Variants in CCDC175 observed in about 807,000 individuals in gnomAD.
The protein encoded by CCDC175 is coiled-coil domain containing 175.
A neutral mutation model predicts 114.6 loss-of-function variants in CCDC175; 100 were observed. The observed-to-expected ratio is 0.87, with a 90% CI of 0.74 to 1.03. CCDC175 has a LOEUF of 1.03. Ranked by LOEUF, CCDC175 falls within the 50% of genes least tolerant of loss-of-function variation. The probability of loss-of-function intolerance (pLI) is 0.00; values close to 1 mark genes in which losing one functional copy is unlikely to be tolerated. For missense variants in CCDC175, 880 were observed against 917.8 expected (o/e 0.96, Z 0.53); for synonymous variants, 306 against 308.7 (o/e 0.99, Z 0.09).
intron 10 of CCDC175, 87 bp from the exon 11 acceptor site, chr14:59,540,833 T>A: frequency 1.8e-6 from 2 of 1,122,314 alleles, no homozygotes; most frequent in Non-Finnish European, 2.5e-6. Context: ...GTATGCTCAG[T>A]AAGGCTATAG....
intron 7 of CCDC175, among the ~76,000 whole-genome samples, chr14:59,554,387 G>C (rs1895734001): frequency 6.6e-6 from 1 of 152,130 alleles, no homozygotes; most frequent in African/African-American, 2.4e-5. Flanking sequence ...ATGAAATGAA[G>C]GCAGAAATAA....
At chr14:59,528,430 T>C (rs1893873144) in intron 14 of CCDC175, among the ~76,000 whole-genome samples, 1 of 152,150 alleles carries the variant, frequency 6.6e-6, no homozygotes, top group African/African-American at 2.4e-5. Flanking sequence ...TTGATAATTT[T>C]ATTAGTTCTT....
intron 7 of CCDC175, among the ~76,000 whole-genome samples, chr14:59,551,849 G>A (rs763153700): frequency 1.1e-4 from 16 of 152,226 alleles, no homozygotes; most frequent in Admixed American, 2.6e-4. Flanking sequence ...AGGATCCCAC[G>A]CCCATGGAGC....
chr14:59,521,530 C>T (rs1377051630), intron 17 of CCDC175, 44 bp downstream of exon 17: 3 of 1,090,270 alleles, frequency 2.8e-6, no homozygotes, highest in African/African-American at 1.6e-5. Flanking sequence ...AGTTCTGTCC[C>T]GCTAAAGAAC....
intron 14 of CCDC175, among the ~76,000 whole-genome samples, chr14:59,528,934 T>C (rs1337364243): frequency 6.6e-6 from 1 of 152,250 alleles, no homozygotes; most frequent in East Asian, 1.9e-4. Flanking sequence ...TCTAAGAATA[T>C]ACTCTTTAAA....
intron 8 of CCDC175, among the ~76,000 whole-genome samples, chr14:59,549,251 G>A (rs769481396): frequency 2.6e-5 from 4 of 152,180 alleles, no homozygotes; most frequent in African/African-American, 4.8e-5. Context: ...GGTGGCTCAC[G>A]CCTGTAATCC....
chr14:59,540,099 C>T (rs527881479), intron 11 of CCDC175, among the ~76,000 whole-genome samples: 1 of 152,222 alleles, frequency 6.6e-6, no homozygotes, highest in Non-Finnish European at 1.5e-5. Context: ...CTAACAATAA[C>T]AACAACGATA....
chr14:59,552,322 T>G (rs182195215), intron 7 of CCDC175, among the ~76,000 whole-genome samples: 2 of 152,380 alleles, frequency 1.3e-5, no homozygotes, highest in African/African-American at 4.8e-5. Flanking sequence ...ATATTCACTG[T>G]TCTGCAGCCT....
At chr14:59,511,841 A>G (rs1431357972) in intron 17 of CCDC175, 38 bp from the exon 18 acceptor site, 5 of 1,332,352 alleles carry the variant, frequency 3.8e-6, no homozygotes, top group Non-Finnish European at 5.1e-6. Context: ...GGTTACTGAC[A>G]CAATCTGAAC....
At chr14:59,515,817 C>A (rs1403619664) in intron 17 of CCDC175, among the ~76,000 whole-genome samples, 1 of 152,166 alleles carries the variant, frequency 6.6e-6, no homozygotes, top group Non-Finnish European at 1.5e-5. Context: ...CCAAGCAGAC[C>A]TAACAGACAT....
At position 59,572,736 on chromosome 14, in the gene CCDC175, T is replaced by C; in HGVS notation, c.321A>G (p.Glu107=). The C allele has an allele frequency of 6.6e-7, 1 of 1,515,838 alleles. No individual in the cohort carries two copies. 93.9% of individuals were successfully genotyped at this position (1,515,838 alleles called of 1,614,324 possible). ...CCCTCTTAATGCTATTGGGAAGAGT[T>C]TCCAATAGATAGTATAGTTTGTTGA... The part of the protein sequence containing the change: ...MELNKLYYLL[E]TLPNSIKREL... The change falls in exon 3 of 20, where the codon GAA becomes GAG. Residue 107 remains glutamate (E), a synonymous_variant. Transcript: ENST00000537690.
intron 17 of CCDC175, among the ~76,000 whole-genome samples, chr14:59,517,595 T>C (rs1893174977): frequency 6.6e-6 from 1 of 152,290 alleles, no homozygotes; most frequent in Non-Finnish European, 1.5e-5. Context: ...ATAAAATGCC[T>C]AGGAATCCAA....
At chr14:59,506,275 A>ATTTTTTT (rs35322741) in intron 19 of CCDC175, among the ~76,000 whole-genome samples, 4 of 136,032 alleles carry the variant, frequency 2.9e-5, no homozygotes, top group Non-Finnish European at 4.7e-5. Context: ...GAGCACAGGG[A>ATTTTTTT]TTTTTTTTTT....
At chr14:59,552,551 A>C (rs1266347648) in intron 7 of CCDC175, among the ~76,000 whole-genome samples, 1 of 152,208 alleles carries the variant, frequency 6.6e-6, no homozygotes, top group Admixed American at 6.5e-5. Context: ...AATTCTAAAA[A>C]TCAGAGCACC....
intron 15 of CCDC175, 129 bp from the exon 16 acceptor site, chr14:59,525,563 ATTC>A: frequency 1.6e-6 from 1 of 625,022 alleles, no homozygotes; most frequent in Non-Finnish European, 2.5e-6. Flanking sequence ...GAGGATAGAT[ATTC>A]TTCCTTAGAA....
In CCDC175 at chr14:59,527,151, G is replaced by A. The variant is rs1186057320; in HGVS notation, c.1786C>T (p.Leu596=). 2.0e-6 allele frequency: 3 copies of A among 1,497,382 alleles called. No individual in the cohort carries two copies. Among genetic ancestry groups the A allele is most frequent in the African/African-American group, 1.4e-5 (1 of 70,910 alleles). 92.8% of individuals were successfully genotyped at this position (1,497,382 alleles called of 1,614,324 possible). Residue 596 remains leucine (L), a synonymous_variant, in exon 15 of 20, where the codon CTG becomes TTG. Transcript: ENST00000537690. ...GTAAACAGAAAAATGTGATTGTTCA[G>A]TAAATCTTCCTCCTGTCTTTGTGCT... is the stretch of plus-strand genomic sequence containing the variant. The part of the protein sequence containing the change: ...ITAQRQEEDL[L]NNHIFLFTRD...
intron 19 of CCDC175, among the ~76,000 whole-genome samples, chr14:59,506,299 T>G (rs1274743202): frequency 6.6e-6 from 1 of 150,378 alleles, no homozygotes; most frequent in African/African-American, 2.5e-5. Flanking sequence ...TTCTTTTTTT[T>G]TTTTTGAGAC....
intron 7 of CCDC175, among the ~76,000 whole-genome samples, chr14:59,552,707 A>G (rs1895603519): frequency 6.6e-6 from 1 of 152,236 alleles, no homozygotes; most frequent in African/African-American, 2.4e-5. Context: ...CAAAGAAGCT[A>G]AAAACCTCGA....
chr14:59,548,516 C>T (rs1013764225), intron 8 of CCDC175, among the ~76,000 whole-genome samples: 1 of 152,138 alleles, frequency 6.6e-6, no homozygotes. Context: ...TAAAGGAAAA[C>T]TCTTTGACCA....
Sources: allele counts gnomAD v4.1 joint callset (sites outside exome capture counted in the v4.1 genomes callset), GRCh38; gene constraint gnomAD v4.1.1; transcripts MANE v1.5; gene names NCBI Gene and HGNC (gene_info 2026-07-23, HGNC 2026-07-21).